DLG2: variants seen among roughly 807,000 people sequenced by gnomAD.
DLG2 encodes discs large MAGUK scaffold protein 2.
In DLG2, 45 loss-of-function variants were observed where a neutral mutation model predicts 132.5. That is an observed-to-expected ratio of 0.34 (90% CI 0.27 to 0.44). The LOEUF is 0.44. DLG2 is among the 20% of genes least tolerant of loss of function. The pLI, the probability that DLG2 is intolerant of heterozygous loss-of-function variation, is 1.00. For synonymous variants in DLG2, 424 were observed against 419.6 expected (o/e 1.01, Z -0.13); for missense variants, 1,045 against 1,196.9 (o/e 0.87, Z 1.87).
intron 6 of DLG2, among the ~76,000 whole-genome samples, chr11:84,610,833 T>C (rs950150303): frequency 6.6e-6 from 1 of 152,130 alleles, no homozygotes; most frequent in Admixed American, 6.6e-5. Flanking sequence ...CACAGATTAC[T>C]GTTCCACCTT....
rs149662487 is a variant in DLG2, at chr11:84,624,716, C to T, written c.358-89985G>A. ...TCCTTTTATTGGTCCTCAGCATTTT[C>T]AGTGAACATCACAGGTCAAATAGTG... On this transcript the variant is annotated intron_variant, in intron 6 of 27. Coordinates refer to ENST00000376104, the MANE Select transcript of DLG2 (RefSeq NM_001142699.3). Among the ~76,000 whole-genome samples, 291 of 151,722 alleles carry T rather than the reference C, an allele frequency of 1.9e-3. 2 individuals are homozygous for T. Among genetic ancestry groups the T allele is most frequent in the African/African-American group, 6.7e-3 (278 of 41,256 alleles).
At chr11:84,051,947 T>C (rs2154121319) in intron 11 of DLG2, among the ~76,000 whole-genome samples, 1 of 151,838 alleles carries the variant, frequency 6.6e-6, no homozygotes, top group East Asian at 2.0e-4. Context: ...CCTTTTACTG[T>C]GGGTGACTAA....
At chr11:84,953,495 G>C (rs937884034) in intron 6 of DLG2, among the ~76,000 whole-genome samples, 8 of 152,110 alleles carry the variant, frequency 5.3e-5, no homozygotes, top group African/African-American at 1.9e-4. Context: ...TTCATCTTGA[G>C]AAACTTAATT....
intron 4 of DLG2, among the ~76,000 whole-genome samples, chr11:85,237,294 G>T (rs2075637895): frequency 6.6e-6 from 1 of 151,980 alleles, no homozygotes. Context: ...ATTGTTTTCT[G>T]GTATTAATTA....
chr11:84,790,605 C>G (rs1455568594), intron 6 of DLG2, among the ~76,000 whole-genome samples: 6 of 152,056 alleles, frequency 3.9e-5, no homozygotes, highest in Non-Finnish European at 7.4e-5. Flanking sequence ...TTGCATTTGT[C>G]CATTTTTGCT....
At chr11:84,333,462 T>C (rs1205959226) in intron 7 of DLG2, among the ~76,000 whole-genome samples, 1 of 152,250 alleles carries the variant, frequency 6.6e-6, no homozygotes, top group Non-Finnish European at 1.5e-5. Context: ...TGTATGCTTC[T>C]ACTGGATCAG....
chr11:84,598,310 A>G (rs1450057963), intron 6 of DLG2, among the ~76,000 whole-genome samples: 1 of 152,130 alleles, frequency 6.6e-6, no homozygotes, highest in Non-Finnish European at 1.5e-5. Flanking sequence ...GTCCCTACAA[A>G]TTATAAATTT....
At chr11:84,901,803 A>T (rs539976846) in intron 6 of DLG2, among the ~76,000 whole-genome samples, 120 of 152,208 alleles carry the variant, frequency 7.9e-4, no homozygotes, top group African/African-American at 2.8e-3. Flanking sequence ...TCAAAAGTAG[A>T]AAACAAACTC....
chr11:85,222,915 T>C (rs1235417817), intron 4 of DLG2, among the ~76,000 whole-genome samples: 1 of 152,116 alleles, frequency 6.6e-6, no homozygotes, highest in East Asian at 1.9e-4. Flanking sequence ...TCACTTCCCT[T>C]CTTCCACTCA....
intron 6 of DLG2, among the ~76,000 whole-genome samples, chr11:84,890,373 C>A (rs2089157351): frequency 6.6e-6 from 1 of 152,106 alleles, no homozygotes; most frequent in Non-Finnish European, 1.5e-5. Context: ...GCGGTCAAGT[C>A]CTCCAGAATA....
chr11:85,379,675 C>T (rs753951171), intron 3 of DLG2, among the ~76,000 whole-genome samples: 1 of 152,172 alleles, frequency 6.6e-6, no homozygotes. Flanking sequence ...TTAGTAAACA[C>T]TATCTAATCC....
At chr11:83,692,765 C>A (rs1265208119) in intron 18 of DLG2, among the ~76,000 whole-genome samples, 2 of 152,138 alleles carry the variant, frequency 1.3e-5, no homozygotes, top group African/African-American at 4.8e-5. Flanking sequence ...AACTCATTTC[C>A]TCTTCTCCTA....
At chr11:85,007,165 C>T (rs1475684196) in intron 6 of DLG2, among the ~76,000 whole-genome samples, 1 of 150,628 alleles carries the variant, frequency 6.6e-6, no homozygotes, top group Non-Finnish European at 1.5e-5. Flanking sequence ...TCCTCATGTG[C>T]TATTTATACT....
intron 8 of DLG2, among the ~76,000 whole-genome samples, chr11:84,165,156 T>C (rs76706999): frequency 0.012 from 1,866 of 152,282 alleles, 35 homozygotes; most frequent in African/African-American, 0.042. Context: ...CCATGAGGCT[T>C]TTCTTTGCTT....
At chr11:84,175,006 T>C (rs2095918452) in intron 8 of DLG2, among the ~76,000 whole-genome samples, 1 of 152,196 alleles carries the variant, frequency 6.6e-6, no homozygotes, top group Non-Finnish European at 1.5e-5. Flanking sequence ...TATGCTTTCA[T>C]AAGCAATGTG....
intron 6 of DLG2, among the ~76,000 whole-genome samples, chr11:84,670,287 C>T (rs1239252372): frequency 6.6e-6 from 1 of 151,912 alleles, no homozygotes; most frequent in Admixed American, 6.6e-5. Context: ...AGGGCAGGCT[C>T]TCTCTCTCTC....
intron 7 of DLG2, among the ~76,000 whole-genome samples, chr11:84,460,689 G>A (rs142418427): frequency 6.6e-6 from 1 of 150,552 alleles, no homozygotes. Flanking sequence ...CATGTGTGTG[G>A]TAATTTTATT....
chr11:84,436,865 G>T (rs1185291297), intron 7 of DLG2, among the ~76,000 whole-genome samples: 1 of 152,110 alleles, frequency 6.6e-6, no homozygotes, highest in Non-Finnish European at 1.5e-5. Flanking sequence ...TTGAAACGAT[G>T]GCTTAGTGAT....
chr11:83,779,394 T>C (rs146688027), intron 18 of DLG2, among the ~76,000 whole-genome samples: 2 of 152,332 alleles, frequency 1.3e-5, no homozygotes, highest in African/African-American at 2.4e-5. Flanking sequence ...CATCATTCAG[T>C]TGTGATACAG....
Sources: allele counts gnomAD v4.1 joint callset (sites outside exome capture counted in the v4.1 genomes callset), GRCh38; gene constraint gnomAD v4.1.1; transcripts MANE v1.5; gene names NCBI Gene and HGNC (gene_info 2026-07-23, HGNC 2026-07-21).